The following GP6 variants were observed in gnomAD, a reference collection of about 807,000 sequenced individuals.
The protein encoded by GP6 is platelet glycoprotein VI.
A neutral mutation model predicts 37.3 loss-of-function variants in GP6; 45 were observed. The observed-to-expected ratio is 1.21, with a 90% CI of 0.95 to 1.55. The LOEUF is 1.55. Among genes scored for constraint, GP6 ranks in the 40% most tolerant of loss-of-function variants. The pLI is 0.00. For missense variants in GP6, 813 were observed against 760.2 expected, an observed-to-expected ratio of 1.07 and a Z score of -0.82; for synonymous variants, 340 against 316.4, an observed-to-expected ratio of 1.07 and a Z score of -0.79.
In GP6 at chr19:55,014,947, C is replaced by T; in HGVS notation, c.998G>A (p.Cys333Tyr). The T allele has an allele frequency of 6.2e-7, 1 of 1,613,580 alleles. No individual in the cohort carries two copies. The highest frequency in any genetic ancestry group is 8.5e-7 in the Non-Finnish European group (1 of 1,179,936). ...CATGAACATAACCCGCGGCTGTGAA[C>T]ATCCTGTCGGCCTCCATCCTGACCC... Residue 333 changes from cysteine to tyrosine, a missense_variant, in exon 8 of 8, where the codon TGT (cysteine) becomes TAT (tyrosine). Physicochemically the swap from Cys to Tyr is radical, Grantham distance 194. Transcript: ENST00000310373.
chr19:55,015,146 G>A lies in GP6; in HGVS notation c.799C>T (p.His267Tyr). 1.3e-6 allele frequency: 2 copies of A among 1,568,222 alleles called. No homozygotes were observed. Among genetic ancestry groups the A allele is most frequent in the East Asian group, 4.7e-5 (2 of 42,654 alleles). The change falls in exon 8 of 8, where the codon CAC (histidine) becomes TAC (tyrosine). Residue 267 changes from histidine (H) to tyrosine (Y), a missense_variant. His to Tyr is a moderately conservative substitution (Grantham distance 83, BLOSUM62 2). Transcript: ENST00000310373. ...ATATCCGGACCAGGTTGCCCTTGGT[G>A]TAGTACTGGCGGGCAGGACCTGGAG...
chr19:55,014,661 C>G lies in GP6; in HGVS notation c.1284G>C (p.Leu428=). ...TCCAGCCAGGGTACCATGTCATCCA[C>G]AGTGTGCAGGGAGGAGGATGGGGTC... Residue 428 remains leucine, a synonymous_variant, in exon 8 of 8, where the codon CTG becomes CTC. Coordinates refer to ENST00000310373, the MANE Select transcript of GP6 (RefSeq NM_001083899.2). 2 of 1,614,098 alleles carry G rather than the reference C, an allele frequency of 1.2e-6. No individual in the cohort carries two copies. Among genetic ancestry groups the G allele is most frequent in the Non-Finnish European group, 1.7e-6 (2 of 1,179,958 alleles).
intron 3 of GP6, 31 bp downstream of exon 3, chr19:55,032,108 C>T: frequency 6.2e-7 from 1 of 1,609,652 alleles, no homozygotes; most frequent in Non-Finnish European, 8.5e-7. Flanking sequence ...GAGGACCACG[C>T]AGTCCCAGGC....
chr19:55,035,592 CTGTAATCCCAGCT>C (rs2074799259), intron 1 of GP6, among the ~76,000 whole-genome samples: 2 of 152,028 alleles, frequency 1.3e-5, no homozygotes, highest in Admixed American at 1.3e-4. Context: ...TGGCAGGAGC[CTGTAATCCCAGCT>C]ACTTGGGAGG....
chr19:55,014,749 A>G lies in GP6; in HGVS notation c.1196T>C (p.Leu399Pro), dbSNP rs762927953. The change falls in exon 8 of 8, where the codon CTG becomes CCG. Residue 399 changes from leucine to proline, a missense_variant. Leu to Pro is a moderately conservative substitution (Grantham distance 98, BLOSUM62 -3). Coordinates refer to ENST00000310373, the MANE Select transcript of GP6 (RefSeq NM_001083899.2). ...CAGACAGAGAGGCAGACAGACAGAC[A>G]GACACTGGCCGAACGGCTCCCTGAT... 1.6e-5 allele frequency: 26 copies of G among 1,613,930 alleles called. No individual in the cohort carries two copies. In the South Asian group the frequency reaches 1.8e-4, roughly 11 times the overall value.
At chr19:55,029,883 G>T (rs975996206) in intron 3 of GP6, among the ~76,000 whole-genome samples, 1 of 151,884 alleles carries the variant, frequency 6.6e-6, no homozygotes, top group Admixed American at 6.6e-5. Flanking sequence ...GGCCAGTGAT[G>T]CTGTGGAGGG....
chr19:55,028,362 A>C (rs2074389516), intron 3 of GP6, among the ~76,000 whole-genome samples: 1 of 152,242 alleles, frequency 6.6e-6, no homozygotes, highest in Non-Finnish European at 1.5e-5. Context: ...GAATCCTCAG[A>C]GACCTATGGA....
rs1471350877 is a variant in GP6 at position 55,032,232 on chromosome 19, T to A, written c.232A>T (p.Met78Leu). 1 of 1,614,138 alleles carries A rather than the reference T, an allele frequency of 6.2e-7. No individual in the cohort carries two copies. The highest frequency in any genetic ancestry group is 2.2e-5 in the East Asian group (1 of 44,882). Residue 78 changes from methionine to leucine, a missense_variant, in exon 3 of 8, where the codon ATG becomes TTG. Coordinates refer to ENST00000310373, the MANE Select transcript of GP6 (RefSeq NM_001083899.2). The stretch of plus-strand genomic sequence containing the variant: ...TAGCGTCCAGCCAGACTTCTCTTCA[T>A]GGCCGGGATGAAGAGGACTGCCTGA...
Position 55,035,438 on chromosome 19 carries a change from G to A in GP6, c.34+2765C>T, listed in dbSNP as rs796589709. Reference sequence around the variant, plus strand: ...ATAGTAGATTTTAAATGTTCTCACCGGCCGGGCGCGCTGGCTCACACCTGT... The same window carrying A: ...ATAGTAGATTTTAAATGTTCTCACCAGCCGGGCGCGCTGGCTCACACCTGT... On this transcript the variant is annotated intron_variant, in intron 1 of 7. Coordinates refer to ENST00000310373, the MANE Select transcript of GP6 (RefSeq NM_001083899.2). Among the ~76,000 whole-genome samples, 9 of 152,266 alleles carry A rather than the reference G, an allele frequency of 5.9e-5. No individual in the cohort carries two copies. The East Asian group carries it at 9.6e-4, about 16-fold the overall frequency.
chr19:55,018,989 T>C (rs2073975826), intron 5 of GP6, among the ~76,000 whole-genome samples: 1 of 152,232 alleles, frequency 6.6e-6, no homozygotes, highest in African/African-American at 2.4e-5. Context: ...CAGGTTTTTG[T>C]GTGAACATAA....
At chr19:55,024,306 A>ACACACGCACGCACACACC (rs1349547133) in intron 5 of GP6, among the ~76,000 whole-genome samples, 1 of 142,046 alleles carries the variant, frequency 7.0e-6, no homozygotes, top group Non-Finnish European at 1.5e-5. Flanking sequence ...GCATGCACAC[A>ACACACGCACGCACACACC]CATATGCACG....
At position 55,025,254 on chromosome 19, in the gene GP6, T is replaced by TG; in HGVS notation, c.627dup (p.Ser210GlnfsTer20). The TG allele has an allele frequency of 1.9e-6, 3 of 1,547,942 alleles. No individual in the cohort carries two copies. The highest frequency in any genetic ancestry group is 2.6e-6 in the Non-Finnish European group (3 of 1,143,436). On this transcript the variant is annotated frameshift_variant, in exon 5 of 8. Transcript: ENST00000310373. LOFTEE classifies it high-confidence loss of function. Reference sequence around the variant, plus strand: ...GAAGGTGGTTCTGTTGGTAACCGGCTGGGGGTCACAGAGGTTCCTGGGAAA... The same window carrying TG: ...GAAGGTGGTTCTGTTGGTAACCGGCTGGGGGGTCACAGAGGTTCCTGGGAAA...
chr19:55,018,938 G>T, intron 5 of GP6: 3 of 599,680 alleles, frequency 5.0e-6, no homozygotes, highest in Non-Finnish European at 8.9e-6. Flanking sequence ...TTTTTTCCAC[G>T]TTTTGCTGTT....
At position 55,015,853 on chromosome 19, in the gene GP6, A is replaced by G. The variant is rs144897868; in HGVS notation, c.725-120T>C. 1,728 of 727,558 alleles carry G rather than the reference A, an allele frequency of 2.4e-3. 14 individuals are homozygous for G. In the African/African-American group the frequency reaches 0.026, roughly 11 times the overall value. 45.1% of individuals were successfully genotyped at this position (727,558 alleles called of 1,614,324 possible). A position where few individuals can be genotyped will look rare whatever the true frequency, so the allele number is the denominator to read the frequency against. Reference sequence around the variant, plus strand: ...CAATTCCACAGCATTTAAGAAAAGCATGGGCCGGGCACGGTGCCTCATGCC... The same window carrying G: ...CAATTCCACAGCATTTAAGAAAAGCGTGGGCCGGGCACGGTGCCTCATGCC... On this transcript the variant is annotated intron_variant, in intron 6 of 7. Coordinates refer to ENST00000310373, the MANE Select transcript of GP6 (RefSeq NM_001083899.2).
At chr19:55,033,934 G>A (rs1164803720) in intron 1 of GP6, among the ~76,000 whole-genome samples, 7 of 151,916 alleles carry the variant, frequency 4.6e-5, no homozygotes, top group East Asian at 3.9e-4. Context: ...TATAATAATC[G>A]TTTCAAATAG....
intron 1 of GP6, 94 bp downstream of exon 1, chr19:55,038,109 A>C (rs2074906274): frequency 1.9e-6 from 2 of 1,060,870 alleles, no homozygotes; most frequent in Non-Finnish European, 2.9e-6. Context: ...TTTTGTCCTG[A>C]AATTCATCAC....
intron 5 of GP6, among the ~76,000 whole-genome samples, chr19:55,021,988 T>A (rs913690032): frequency 6.6e-6 from 1 of 152,078 alleles, no homozygotes; most frequent in African/African-American, 2.4e-5. Flanking sequence ...CTTTACCCAC[T>A]TTTTAATGGT....
At chr19:55,032,619 T>C in intron 1 of GP6, 81 bp from the exon 2 acceptor site, 1 of 1,371,310 alleles carries the variant, frequency 7.3e-7, no homozygotes, top group South Asian at 1.2e-5. Flanking sequence ...GATAAGACAT[T>C]TGCATGCATA....
At chr19:55,018,615 C>A in intron 6 of GP6, 37 bp downstream of exon 6, 1 of 1,191,574 alleles carries the variant, frequency 8.4e-7, no homozygotes, top group Non-Finnish European at 1.3e-6. Flanking sequence ...CGTCCTCACA[C>A]TCCTTTCTGC....
Sources: allele counts gnomAD v4.1 joint callset (sites outside exome capture counted in the v4.1 genomes callset), GRCh38; gene constraint gnomAD v4.1.1; transcripts MANE v1.5; gene names NCBI Gene and HGNC (gene_info 2026-07-23, HGNC 2026-07-21).